Variants in SHROOM2 observed in about 807,000 individuals in gnomAD.
SHROOM2 encodes the protein protein Shroom2.
A neutral mutation model predicts 75.9 loss-of-function variants in SHROOM2; 33 were observed. The ratio of observed to expected loss-of-function variants is 0.43; its 90% CI spans 0.33 to 0.58. SHROOM2 has a LOEUF of 0.58. SHROOM2 is among the 20% of genes least tolerant of loss of function. The pLI is 0.04. For missense variants in SHROOM2, 1,434 were observed against 1,461.2 expected, an observed-to-expected ratio of 0.98 and a Z score of 0.30; for synonymous variants, 655 against 663.6, an observed-to-expected ratio of 0.99 and a Z score of 0.20.
rs887842148 is a variant in SHROOM2 at position 9,881,959 on chromosome X, A to G, written c.317+8156A>G. 4.5e-5 allele frequency among the ~76,000 whole-genome samples: 5 copies of G among 112,163 alleles called. No homozygotes were observed. In the East Asian group the frequency reaches 1.4e-3, roughly 31 times the overall value. On this transcript the variant is annotated intron_variant, in intron 2 of 9. Transcript: ENST00000380913. ...GAATTTGAGGACAAATTGAGTAAAA[A>G]TACAGTAAATTATTATGGGCTTTAT...
At chrX:9,853,492 T>G (rs1333471072) in intron 1 of SHROOM2, among the ~76,000 whole-genome samples, 1 of 111,920 alleles carries the variant, frequency 8.9e-6, no homozygotes, top group Non-Finnish European at 1.9e-5. Flanking sequence ...TTCTGAAGGC[T>G]CTGGGGGAAG....
In SHROOM2 at chrX:9,936,539, C is replaced by T. The variant is rs375684993; in HGVS notation, c.3588-595C>T. Among the ~76,000 whole-genome samples, 38 of 112,056 alleles carry T rather than the reference C, an allele frequency of 3.4e-4. No homozygotes were observed. The East Asian group carries it at 3.7e-3, about 11-fold the overall frequency. Reference sequence around the variant, plus strand: ...TGTGCAACGCTAGCTTGAAGCACAGCGGGCGGGGGGTACAAGGACAGTGTT... The same window carrying T: ...TGTGCAACGCTAGCTTGAAGCACAGTGGGCGGGGGGTACAAGGACAGTGTT... On this transcript the variant is annotated intron_variant, in intron 6 of 9. Coordinates refer to ENST00000380913, the MANE Select transcript of SHROOM2 (RefSeq NM_001649.4).
chrX:9,896,323 C>A lies in SHROOM2; in HGVS notation c.2415C>A (p.Ser805Arg), dbSNP rs1432180727. Reference protein sequence around the residue: ...ADRWKFFEETSKPVPQRPAQK... With the variant: ...ADRWKFFEETRKPVPQRPAQK... ...GGTGGAAGTTTTTTGAGGAAACGAG[C>A]AAACCTGTTCCCCAGAGGCCTGCCC... is the stretch of plus-strand genomic sequence containing the variant. The change falls in exon 4 of 10, where the codon AGC (serine) becomes AGA (arginine). Residue 805 changes from serine to arginine, a missense_variant. Around this residue, in one of 3 missense-constraint regions of SHROOM2, gnomAD observed 1,340 missense variants for 1,338.3 expected, o/e 1.00. Coordinates refer to ENST00000380913, the MANE Select transcript of SHROOM2 (RefSeq NM_001649.4). 8.3e-7 allele frequency: 1 copy of A among 1,210,842 alleles called. No individual in the cohort carries two copies. Among genetic ancestry groups the A allele is most frequent in the Admixed American group, 2.2e-5 (1 of 45,925 alleles).
intron 1 of SHROOM2, among the ~76,000 whole-genome samples, chrX:9,849,309 C>T (rs974524475): frequency 3.6e-5 from 4 of 111,886 alleles, no homozygotes; most frequent in African/African-American, 1.3e-4. Flanking sequence ...CTCTGCTTCA[C>T]CTCCTGTTGA....
chrX:9,786,873 G>A lies in SHROOM2; in HGVS notation c.165+163G>A, dbSNP rs933700049. Among the ~76,000 whole-genome samples the A allele has an allele frequency of 8.9e-5, 10 of 112,028 alleles. No homozygotes were observed. In the Admixed American group the frequency reaches 9.3e-4, roughly 10 times the overall value. On this transcript the variant is annotated intron_variant, in intron 1 of 9. Transcript: ENST00000380913. Reference sequence around the variant, plus strand: ...GGCCTGGGCGCCGGGACCGGCGTGGGCGTGTGATCCTGGCGGTTCCCCGCG... The same window carrying A: ...GGCCTGGGCGCCGGGACCGGCGTGGACGTGTGATCCTGGCGGTTCCCCGCG...
At chrX:9,942,735 TTGGGCCTTTTA>T (rs1377286964) in intron 8 of SHROOM2, among the ~76,000 whole-genome samples, 2 of 111,739 alleles carry the variant, frequency 1.8e-5, no homozygotes, top group African/African-American at 6.5e-5. Context: ...CCCCGTCTTC[TTGGGCCTTTTA>T]TGGAGCCTTC....
intron 1 of SHROOM2, among the ~76,000 whole-genome samples, chrX:9,868,974 C>A (rs1304956225): frequency 9.1e-6 from 1 of 109,742 alleles, no homozygotes; most frequent in African/African-American, 3.3e-5. Context: ...TTTAATTTTT[C>A]AAGACAGAGT....
intron 5 of SHROOM2, 101 bp downstream of exon 5, chrX:9,898,391 TG>T: frequency 1.6e-6 from 1 of 632,736 alleles, no homozygotes; most frequent in Admixed American, 3.7e-5. Flanking sequence ...GTCTGGCTTT[TG>T]CCAAACCCAA....
At chrX:9,795,397 C>T (rs1329010023) in intron 1 of SHROOM2, among the ~76,000 whole-genome samples, 1 of 112,261 alleles carries the variant, frequency 8.9e-6, no homozygotes, top group African/African-American at 3.2e-5. Flanking sequence ...ATTTTTCCCT[C>T]AGATTCTAAA....
At chrX:9,841,674 C>A (rs192238464) in intron 1 of SHROOM2, among the ~76,000 whole-genome samples, 2 of 111,643 alleles carry the variant, frequency 1.8e-5, no homozygotes, top group Non-Finnish European at 3.8e-5. Context: ...CAGACCAATT[C>A]GGAATGAGTT....
Position 9,937,161 on chromosome X carries a change from C to T in SHROOM2, c.3615C>T (p.Thr1205=), listed in dbSNP as rs1386921556. ...TRIERVMDNN[T]TVKMVPIKIV... ...TTGAGCGGGTGATGGACAACAACACCACGGTGAAGATGGTGCCCATCAAGA... is the reference window on the plus strand; with the variant it reads ...TTGAGCGGGTGATGGACAACAACACTACGGTGAAGATGGTGCCCATCAAGA... The change falls in exon 7 of 10, where the codon ACC becomes ACT. Residue 1205 remains threonine (T), a synonymous_variant. Coordinates refer to ENST00000380913, the MANE Select transcript of SHROOM2 (RefSeq NM_001649.4). 1 of 1,200,020 alleles carries T rather than the reference C, an allele frequency of 8.3e-7. No homozygotes were observed. Among genetic ancestry groups the T allele is most frequent in the South Asian group, 1.8e-5 (1 of 55,007 alleles).
At chrX:9,900,663 A>G (rs1438945382) in intron 5 of SHROOM2, among the ~76,000 whole-genome samples, 1 of 111,773 alleles carries the variant, frequency 8.9e-6, no homozygotes, top group Non-Finnish European at 1.9e-5. Context: ...TGAAGTGATG[A>G]TACTTTTTTT....
At chrX:9,842,038 G>A (rs1379580470) in intron 1 of SHROOM2, among the ~76,000 whole-genome samples, 1 of 111,774 alleles carries the variant, frequency 8.9e-6, no homozygotes, top group African/African-American at 3.3e-5. Context: ...CAGCCTGGGT[G>A]ACAGAGTGAG....
chrX:9,916,209 C>T (rs889916242), intron 5 of SHROOM2, among the ~76,000 whole-genome samples: 1 of 112,257 alleles, frequency 8.9e-6, no homozygotes, highest in Admixed American at 9.5e-5. Flanking sequence ...CCCAGAGTCT[C>T]CGCTGTGGAA....
chrX:9,897,964 T>G (rs1485801540), intron 4 of SHROOM2, among the ~76,000 whole-genome samples: 1 of 112,497 alleles, frequency 8.9e-6, no homozygotes, highest in African/African-American at 3.2e-5. Context: ...GTATTTTATT[T>G]TATTTCTTTT....
intron 5 of SHROOM2, among the ~76,000 whole-genome samples, chrX:9,916,361 G>A (rs762252596): frequency 1.8e-5 from 2 of 112,354 alleles, no homozygotes; most frequent in Admixed American, 1.9e-4. Context: ...CAACCCTGTA[G>A]CCATACTGTG....
chrX:9,913,640 G>A (rs2084454387), intron 5 of SHROOM2, among the ~76,000 whole-genome samples: 1 of 112,114 alleles, frequency 8.9e-6, no homozygotes, highest in Non-Finnish European at 1.9e-5. Flanking sequence ...TGCATTTACT[G>A]ACTCACAAGA....
At chrX:9,890,661 G>A (rs1477555005) in intron 2 of SHROOM2, among the ~76,000 whole-genome samples, 15 of 112,146 alleles carry the variant, frequency 1.3e-4, no homozygotes. Flanking sequence ...TGCACTGTTT[G>A]GCACGAGCAC....
intron 1 of SHROOM2, among the ~76,000 whole-genome samples, chrX:9,800,317 G>C (rs1275474707): frequency 9.1e-6 from 1 of 110,254 alleles, no homozygotes; most frequent in East Asian, 2.8e-4. Flanking sequence ...GGTATAGAAG[G>C]CTTATTTATT....
Sources: allele counts gnomAD v4.1 joint callset (sites outside exome capture counted in the v4.1 genomes callset), GRCh38; gene constraint gnomAD v4.1.1; regional missense constraint gnomAD v4.1.1; transcripts MANE v1.5; gene names NCBI Gene and HGNC (gene_info 2026-07-23, HGNC 2026-07-21).